Variants in RER1 observed in about 807,000 individuals in gnomAD.
RER1 encodes the protein retention in endoplasmic reticulum sorting receptor 1.
RER1 carries 6 observed loss-of-function variants against 28.3 expected under a neutral mutation model. The observed-to-expected ratio is 0.21, with a 90% CI of 0.12 to 0.42. RER1 has a LOEUF of 0.42. Among genes scored for constraint, RER1 ranks in the 10% least tolerant of loss-of-function variants. The pLI is 1.00. For synonymous variants in RER1, 110 were observed against 95.9 expected, an observed-to-expected ratio of 1.15 and a Z score of -0.86; for missense variants, 159 against 252.9, an observed-to-expected ratio of 0.63 and a Z score of 2.52.
chr1:2,395,880 G>A lies in RER1; in HGVS notation c.81+9G>A, dbSNP rs1354584560. 3 of 1,602,988 alleles carry A rather than the reference G, an allele frequency of 1.9e-6. No individual in the cohort carries two copies. The East Asian group carries it at 6.7e-5, about 36-fold the overall frequency. The stretch of plus-strand genomic sequence containing the variant: ...TCACAAGACTTGGACAGGTTGGTGG[G>A]TTTTTTAGTAGATGAGTATAAATAT... On this transcript the variant is annotated intron_variant, in intron 2 of 6. Transcript: ENST00000605895.
At position 2,403,043 on chromosome 1, in the gene RER1, T is replaced by A; in HGVS notation, c.510T>A (p.Ile170=). ...TGTGTTTCTCTCCCCAGCACATGATTAAGTACCGGTACATCCCGTTCACAC... is the reference window on the plus strand; with the variant it reads ...TGTGTTTCTCTCCCCAGCACATGATAAAGTACCGGTACATCCCGTTCACAC... ...ITMKRQIKHM[I]KYRYIPFTHG... is the part of the protein sequence containing the mutation. Residue 170 remains isoleucine (I), a synonymous_variant, in exon 7 of 7, where the codon ATT becomes ATA. Transcript: ENST00000605895. The A allele has an allele frequency of 6.2e-7, 1 of 1,613,374 alleles. No individual in the cohort carries two copies. Among genetic ancestry groups the A allele is most frequent in the African/African-American group, 1.3e-5 (1 of 75,002 alleles).
chr1:2,399,322 C>CA, intron 3 of RER1, 93 bp from the exon 4 acceptor site: 1 of 835,756 alleles, frequency 1.2e-6, no homozygotes, highest in Non-Finnish European at 2.1e-6. Flanking sequence ...GATCAGTTAA[C>CA]AAAGTTGAGA....
chr1:2,401,263 TCCACCC>T (rs202155732), intron 5 of RER1, among the ~76,000 whole-genome samples: 6 of 58,780 alleles, frequency 1.0e-4, no homozygotes, highest in South Asian at 6.6e-4. Context: ...TCCTCCCTCC[TCCACCC>T]TCCCTCCTCC....
At chr1:2,392,419 A>G (rs1324672266) in intron 1 of RER1, among the ~76,000 whole-genome samples, 1 of 152,206 alleles carries the variant, frequency 6.6e-6, no homozygotes, top group African/African-American at 2.4e-5. Context: ...TCTGGGGTGA[A>G]GGCGTTACTG....
intron 1 of RER1, among the ~76,000 whole-genome samples, chr1:2,392,529 C>G (rs1158184164): frequency 3.9e-5 from 6 of 152,202 alleles, no homozygotes; most frequent in Admixed American, 1.3e-4. Flanking sequence ...GTCTGTGGCC[C>G]CACTGATAAA....
chr1:2,399,815 G>A (rs144456330), intron 4 of RER1, among the ~76,000 whole-genome samples: 184 of 152,264 alleles, frequency 1.2e-3, no homozygotes, highest in African/African-American at 4.2e-3. Context: ...TGGACAGTCC[G>A]ACTCCAGCCC....
At chr1:2,394,003 G>C (rs1642731748) in intron 1 of RER1, 1 of 152,210 alleles carries the variant, frequency 6.6e-6, no homozygotes, top group Non-Finnish European at 1.5e-5. Flanking sequence ...TCCAGTAAAA[G>C]TGCTTTAATG....
At chr1:2,394,866 C>T (rs1379088533) in intron 1 of RER1, 2 of 152,386 alleles carry the variant, frequency 1.3e-5, no homozygotes, top group African/African-American at 4.8e-5. Context: ...GGCCTCTCAT[C>T]TTTAAAGTAG....
intron 4 of RER1, among the ~76,000 whole-genome samples, chr1:2,400,357 C>CA (rs926709025): frequency 2.6e-5 from 4 of 152,194 alleles, no homozygotes; most frequent in Non-Finnish European, 4.4e-5. Context: ...TAGAAAATAA[C>CA]AAAGAGCCCC....
intron 3 of RER1, among the ~76,000 whole-genome samples, chr1:2,397,470 C>T (rs1022572152): frequency 5.3e-5 from 8 of 152,204 alleles, no homozygotes; most frequent in African/African-American, 2.4e-5. Context: ...CCTGGCCCTG[C>T]CCTGGGCACG....
intron 6 of RER1, 133 bp downstream of exon 6, chr1:2,402,475 G>A (rs146140329): frequency 8.5e-6 from 10 of 1,178,036 alleles, no homozygotes; most frequent in Admixed American, 5.9e-5. Flanking sequence ...AAGTGGCACC[G>A]TCTTGTGTGT....
Position 2,403,425 on chromosome 1 carries a change from G to A in RER1, c.*301G>A, listed in dbSNP as rs1213606963. 2 of 359,338 alleles carry A rather than the reference G, an allele frequency of 5.6e-6. No homozygotes were observed. Among genetic ancestry groups the A allele is most frequent in the African/African-American group, 2.1e-5 (1 of 46,842 alleles). 22.3% of individuals were successfully genotyped at this position (359,338 alleles called of 1,614,324 possible). A position where few individuals can be genotyped will look rare whatever the true frequency, so the allele number is the denominator to read the frequency against. ...GAGCAAGGGCGAGTGGCCGGTCCCC[G>A]CTGTGCCAGGTGGGCAGGCAGGAGC... On this transcript the variant is annotated 3_prime_UTR_variant, in exon 7 of 7. Transcript: ENST00000605895.
In RER1 at chr1:2,405,114, C is replaced by G. The variant is rs1284842967; in HGVS notation, c.*1990C>G. On this transcript the variant is annotated 3_prime_UTR_variant, in exon 7 of 7. Coordinates refer to ENST00000605895, the MANE Select transcript of RER1 (RefSeq NM_007033.5). Reference sequence around the variant, plus strand: ...AGGCTGAGATGCAGATTTCTGTTTTCTAAAACTGGAAGCGACCTTGACGTG... The same window carrying G: ...AGGCTGAGATGCAGATTTCTGTTTTGTAAAACTGGAAGCGACCTTGACGTG... The G allele has an allele frequency of 6.2e-6, 1 of 160,658 alleles. No individual in the cohort carries two copies. Among genetic ancestry groups the G allele is most frequent in the Non-Finnish European group, 1.4e-5 (1 of 72,370 alleles). The allele number at this position is 160,658 out of a possible 1,614,324, so 10.0% of individuals were successfully genotyped here.
At position 2,393,782 on chromosome 1, in the gene RER1, C is replaced by T. The variant is rs546458478; in HGVS notation, c.-8+1824C>T. ...CTGCCTCAGGCTATTCCTGGCAATG[C>T]GTTCAGTCAGGGTGCAAGCTGTGTT... On this transcript the variant is annotated intron_variant, in intron 1 of 6. Coordinates refer to ENST00000605895, the MANE Select transcript of RER1 (RefSeq NM_007033.5). Among the ~76,000 whole-genome samples, 221 of 152,210 alleles carry T rather than the reference C, an allele frequency of 1.5e-3. 6 individuals carry two copies. The South Asian group carries it at 0.039, about 27-fold the overall frequency.
chr1:2,399,378 C>A, intron 3 of RER1, 37 bp from the exon 4 acceptor site: 1 of 1,385,154 alleles, frequency 7.2e-7, no homozygotes, highest in Non-Finnish European at 1.0e-6. Context: ...GATGGACGGT[C>A]AGAGTGCACC....
intron 3 of RER1, among the ~76,000 whole-genome samples, chr1:2,398,263 C>T (rs960283208): frequency 3.3e-5 from 5 of 151,650 alleles, no homozygotes; most frequent in African/African-American, 1.2e-4. Context: ...CCCTCACATC[C>T]GGCGTTCAGC....
At chr1:2,401,306 GCC>G (rs1642851116) in intron 5 of RER1, among the ~76,000 whole-genome samples, 3 of 16,100 alleles carry the variant, frequency 1.9e-4, no homozygotes, top group Non-Finnish European at 2.5e-4. Flanking sequence ...CCTTCCTGCC[GCC>G]TCCTCCCTCC....
At chr1:2,396,635 G>A (rs895603955) in intron 2 of RER1, among the ~76,000 whole-genome samples, 6 of 152,192 alleles carry the variant, frequency 3.9e-5, no homozygotes, top group Admixed American at 6.5e-5. Context: ...GTCCACAGCC[G>A]CCTGGACGCA....
At chr1:2,392,345 G>A (rs906219560) in intron 1 of RER1, among the ~76,000 whole-genome samples, 3 of 152,234 alleles carry the variant, frequency 2.0e-5, no homozygotes, top group African/African-American at 7.2e-5. Context: ...GTATTCCAGA[G>A]TAATGTGCCC....
Sources: allele counts gnomAD v4.1 joint callset (sites outside exome capture counted in the v4.1 genomes callset), GRCh38; gene constraint gnomAD v4.1.1; transcripts MANE v1.5; gene names NCBI Gene and HGNC (gene_info 2026-07-23, HGNC 2026-07-21).